Variants in RPS6KA5 observed in about 807,000 individuals in gnomAD.
The protein encoded by RPS6KA5 is ribosomal protein S6 kinase A5, also known as ribosomal protein S6 kinase alpha-5.
In RPS6KA5, 27 loss-of-function variants were observed where a neutral mutation model predicts 85.5. The observed-to-expected ratio is 0.32, with a 90% CI of 0.23 to 0.44. The LOEUF (loss-of-function observed/expected upper bound fraction) is 0.44. Among genes scored for constraint, RPS6KA5 ranks in the 20% least tolerant of loss-of-function variants. The pLI is 1.00. For missense variants in RPS6KA5, 811 were observed against 980.9 expected, an observed-to-expected ratio of 0.83 and a Z score of 2.31; for synonymous variants, 334 against 348.2, an observed-to-expected ratio of 0.96 and a Z score of 0.46.
intron 1 of RPS6KA5, among the ~76,000 whole-genome samples, chr14:91,018,664 G>T (rs1335774966): frequency 6.6e-6 from 1 of 152,152 alleles, no homozygotes; most frequent in Non-Finnish European, 1.5e-5. Context: ...TTACACCAGT[G>T]GTTTGCCGGG....
intron 3 of RPS6KA5, among the ~76,000 whole-genome samples, chr14:90,951,535 C>T (rs763441909): frequency 2.6e-5 from 4 of 152,052 alleles, no homozygotes; most frequent in African/African-American, 7.2e-5. Context: ...AAATTTTGAG[C>T]GCCCATCTAA....
rs549756290 is a variant in RPS6KA5, at chr14:91,004,969, CA to C, written c.104-3811del. ...TGGGCGACAAAGTGAGACTCCGTCT[CA>C]AAAAAAAAAACAAAAAAACAAAAAA... is the stretch of plus-strand genomic sequence containing the variant. On this transcript the variant is annotated intron_variant, in intron 1 of 16. Coordinates refer to ENST00000614987, the MANE Select transcript of RPS6KA5 (RefSeq NM_004755.4). Among the ~76,000 whole-genome samples, 1,152 of 133,122 alleles carry C rather than the reference CA, an allele frequency of 8.7e-3. 11 individuals carry two copies. The highest frequency in any genetic ancestry group is 0.029 in the Middle Eastern group (8 of 274). 87.3% of individuals were successfully genotyped at this position (133,122 alleles called of 152,430 possible).
At chr14:90,918,364 A>G (rs923033753) in intron 7 of RPS6KA5, among the ~76,000 whole-genome samples, 3 of 152,144 alleles carry the variant, frequency 2.0e-5, no homozygotes, top group Non-Finnish European at 2.9e-5. Flanking sequence ...TTTTTTGCCC[A>G]TTTTTAAATG....
intron 2 of RPS6KA5, among the ~76,000 whole-genome samples, chr14:90,986,874 G>C (rs928580443): frequency 2.0e-5 from 3 of 152,172 alleles, no homozygotes; most frequent in Non-Finnish European, 2.9e-5. Flanking sequence ...TGCCTGTTTA[G>C]GCTAGTCTCC....
intron 1 of RPS6KA5, among the ~76,000 whole-genome samples, chr14:91,044,342 A>G (rs1439504129): frequency 1.7e-5 from 1 of 60,586 alleles, no homozygotes; most frequent in Non-Finnish European, 3.3e-5. Flanking sequence ...AGATAGACAA[A>G]GAAAGAAAGA....
chr14:91,014,563 C>G (rs1279045830), intron 1 of RPS6KA5, among the ~76,000 whole-genome samples: 1 of 150,448 alleles, frequency 6.6e-6, no homozygotes, highest in African/African-American at 2.4e-5. Flanking sequence ...CAGACTCAAT[C>G]AGGATTTTCT....
rs1246972808 is a variant in RPS6KA5 at position 91,017,498 on chromosome 14, C to T, written c.104-16339G>A. On this transcript the variant is annotated intron_variant, in intron 1 of 16. Coordinates refer to ENST00000614987, the MANE Select transcript of RPS6KA5 (RefSeq NM_004755.4). ...CTGGTCTTACCATGTTCTCCACCAT[C>T]CTGAAGCAGGTGGCTTGATGGAATG... Among the ~76,000 whole-genome samples, 5 of 152,218 alleles carry T rather than the reference C, an allele frequency of 3.3e-5. No homozygotes were observed. The East Asian group carries it at 9.6e-4, about 29-fold the overall frequency.
intron 1 of RPS6KA5, among the ~76,000 whole-genome samples, chr14:91,057,984 T>C (rs956857312): frequency 6.6e-6 from 1 of 152,194 alleles, no homozygotes; most frequent in East Asian, 1.9e-4. Flanking sequence ...ATTCATCCTA[T>C]GGAATACAAT....
chr14:90,873,428 A>G (rs2033247086), intron 16 of RPS6KA5, among the ~76,000 whole-genome samples: 1 of 152,224 alleles, frequency 6.6e-6, no homozygotes, highest in Admixed American at 6.5e-5. Context: ...TTTGTGGGTT[A>G]GCAGTGACTC....
At chr14:90,978,785 A>G (rs1004621146) in intron 2 of RPS6KA5, among the ~76,000 whole-genome samples, 1 of 152,130 alleles carries the variant, frequency 6.6e-6, no homozygotes, top group Non-Finnish European at 1.5e-5. Flanking sequence ...TCTCTCCGCA[A>G]TATTTTTAGC....
At chr14:91,012,640 T>C (rs149006170) in intron 1 of RPS6KA5, among the ~76,000 whole-genome samples, 13 of 152,320 alleles carry the variant, frequency 8.5e-5, no homozygotes, top group Non-Finnish European at 1.8e-4. Context: ...CTCAGAACTC[T>C]TAGAGCTACT....
At chr14:90,953,630 G>A (rs2140393251) in intron 3 of RPS6KA5, among the ~76,000 whole-genome samples, 1 of 152,234 alleles carries the variant, frequency 6.6e-6, no homozygotes, top group Non-Finnish European at 1.5e-5. Context: ...TCTTTTCCTA[G>A]CAAGGAATAT....
chr14:90,917,288 T>C (rs2036167274), intron 7 of RPS6KA5, among the ~76,000 whole-genome samples: 1 of 152,190 alleles, frequency 6.6e-6, no homozygotes, highest in Non-Finnish European at 1.5e-5. Context: ...ATTAAATAAA[T>C]TGAAACAGTG....
chr14:91,033,797 T>C (rs926465714), intron 1 of RPS6KA5, among the ~76,000 whole-genome samples: 1 of 152,204 alleles, frequency 6.6e-6, no homozygotes, highest in Non-Finnish European at 1.5e-5. Context: ...GAAACTCTTA[T>C]ACATTTGTAC....
intron 2 of RPS6KA5, among the ~76,000 whole-genome samples, chr14:90,998,862 A>G (rs1341733529): frequency 6.6e-6 from 1 of 152,140 alleles, no homozygotes; most frequent in East Asian, 1.9e-4. Context: ...GGTTATAAAG[A>G]CCTCATACAG....
intron 1 of RPS6KA5, 144 bp from the exon 2 acceptor site, chr14:91,001,303 A>T (rs376675244): frequency 1.7e-6 from 1 of 575,208 alleles, no homozygotes; most frequent in East Asian, 3.0e-5. Flanking sequence ...GTTAAACAGT[A>T]TAGCATATTT....
chr14:90,993,245 G>A (rs1338452255), intron 2 of RPS6KA5, among the ~76,000 whole-genome samples: 2 of 152,120 alleles, frequency 1.3e-5, no homozygotes, highest in East Asian at 3.9e-4. Flanking sequence ...TTCGAGATCG[G>A]CCTGGCTAAT....
intron 14 of RPS6KA5, 59 bp from the exon 15 acceptor site, chr14:90,875,419 A>G: frequency 6.8e-7 from 1 of 1,469,376 alleles, no homozygotes. Flanking sequence ...AGCCACTCTA[A>G]TAATCCTAAT....
At chr14:91,034,091 G>A (rs1056256159) in intron 1 of RPS6KA5, among the ~76,000 whole-genome samples, 2 of 151,894 alleles carry the variant, frequency 1.3e-5, no homozygotes, top group African/African-American at 4.8e-5. Flanking sequence ...CAAATCACCT[G>A]AGCCACAGCA....
Sources: allele counts gnomAD v4.1 joint callset (sites outside exome capture counted in the v4.1 genomes callset), GRCh38; gene constraint gnomAD v4.1.1; transcripts MANE v1.5; gene names NCBI Gene and HGNC (gene_info 2026-07-23, HGNC 2026-07-21).